Variants in NMT2 observed in about 807,000 individuals in gnomAD.
NMT2 encodes the protein glycylpeptide N-tetradecanoyltransferase 2.
NMT2 carries 35 observed loss-of-function variants against 65.4 expected under a neutral mutation model. That is an observed-to-expected ratio of 0.54 (90% CI 0.41 to 0.71). NMT2 has a LOEUF of 0.71. Ranked by LOEUF, NMT2 falls within the 30% of genes least tolerant of loss-of-function variation. The pLI is 0.00. For missense variants in NMT2, 489 were observed against 611.3 expected (o/e 0.80, Z 2.11); for synonymous variants, 226 against 231.8 (o/e 0.98, Z 0.23).
chr10:15,139,475 C>G (rs115057877), intron 2 of NMT2, among the ~76,000 whole-genome samples: 188 of 152,230 alleles, frequency 1.2e-3, no homozygotes, highest in African/African-American at 4.3e-3. Flanking sequence ...AATGGTGATG[C>G]TGAAAGCAAC....
intron 1 of NMT2, among the ~76,000 whole-genome samples, chr10:15,159,665 T>C (rs530667762): frequency 1.3e-5 from 2 of 152,278 alleles, no homozygotes; most frequent in Admixed American, 1.3e-4. Context: ...TGACCTCAGG[T>C]GATCCACCCG....
chr10:15,116,329 G>A (rs569689285), intron 9 of NMT2, among the ~76,000 whole-genome samples: 1 of 152,294 alleles, frequency 6.6e-6, no homozygotes, highest in Admixed American at 6.5e-5. Context: ...CTAAGTAGGG[G>A]TGGGCTAAAG....
At chr10:15,111,676 T>C (rs985016393) in intron 10 of NMT2, 1 of 152,062 alleles carries the variant, frequency 6.6e-6, no homozygotes, top group African/African-American at 2.4e-5. Context: ...TTTTTATTTT[T>C]ATTTCTCAGG....
chr10:15,135,189 T>A, intron 3 of NMT2, 85 bp downstream of exon 3: 1 of 1,287,770 alleles, frequency 7.8e-7, no homozygotes, highest in Non-Finnish European at 1.1e-6. Context: ...ACACTCTTTG[T>A]GTTTTGTTGT....
Position 15,106,698 on chromosome 10 carries a change from T to C in NMT2, c.*2497A>G. ...CGTAGTGACCAAGGTCAACAAACTTTCTGTAAAAGACCAGAGAGTGAATAT... is the reference window on the plus strand; with the variant it reads ...CGTAGTGACCAAGGTCAACAAACTTCCTGTAAAAGACCAGAGAGTGAATAT... On this transcript the variant is annotated 3_prime_UTR_variant, in exon 12 of 12. Coordinates refer to ENST00000378165, the MANE Select transcript of NMT2 (RefSeq NM_004808.3). The C allele has an allele frequency of 5.1e-6, 5 of 973,964 alleles. No individual in the cohort carries two copies. Among genetic ancestry groups the C allele is most frequent in the Non-Finnish European group, 6.1e-6 (5 of 819,488 alleles). 60.3% of individuals were successfully genotyped at this position (973,964 alleles called of 1,614,324 possible).
chr10:15,113,070 G>A (rs907853925), intron 9 of NMT2, 107 bp from the exon 10 acceptor site: 4 of 1,170,678 alleles, frequency 3.4e-6, no homozygotes, highest in African/African-American at 3.1e-5. Context: ...AAAGCAGTAA[G>A]TCACACTTCT....
intron 2 of NMT2, among the ~76,000 whole-genome samples, chr10:15,137,740 G>T (rs558465817): frequency 1.2e-4 from 18 of 152,136 alleles, no homozygotes; most frequent in African/African-American, 4.1e-4. Context: ...TTTGTTCCTT[G>T]ATTTCTTTCC....
In NMT2 at chr10:15,106,516, C is replaced by T; in HGVS notation, c.*2679G>A. On this transcript the variant is annotated 3_prime_UTR_variant, in exon 12 of 12. Coordinates refer to ENST00000378165, the MANE Select transcript of NMT2 (RefSeq NM_004808.3). ...GCTAATGCAATTAGGGTGGAACCAT[C>T]TGAAATTCCAAGTCTTCCATTATCT... is the stretch of plus-strand genomic sequence containing the variant. 5.6e-6 allele frequency: 2 copies of T among 359,856 alleles called. No homozygotes were observed. Among genetic ancestry groups the T allele is most frequent in the Non-Finnish European group, 7.7e-6 (2 of 258,184 alleles). 22.3% of individuals were successfully genotyped at this position (359,856 alleles called of 1,614,324 possible).
chr10:15,132,729 G>C, intron 6 of NMT2, 88 bp downstream of exon 6: 1 of 962,526 alleles, frequency 1.0e-6, no homozygotes, highest in South Asian at 1.6e-5. Flanking sequence ...CGCTTGGCCT[G>C]CATTCAGTAA....
At chr10:15,111,758 G>A (rs1243305115) in intron 10 of NMT2, 2 of 151,840 alleles carry the variant, frequency 1.3e-5, no homozygotes, top group Non-Finnish European at 2.9e-5. Flanking sequence ...ATCTGAGGAT[G>A]ATGTTGACTT....
intron 9 of NMT2, among the ~76,000 whole-genome samples, chr10:15,117,068 A>G (rs1845770396): frequency 6.6e-6 from 1 of 152,228 alleles, no homozygotes; most frequent in South Asian, 2.1e-4. Flanking sequence ...TGAGACCAGT[A>G]TTATCTTGAT....
chr10:15,158,386 T>C (rs751880421), intron 1 of NMT2, among the ~76,000 whole-genome samples: 8 of 151,612 alleles, frequency 5.3e-5, no homozygotes, highest in Non-Finnish European at 1.0e-4. Flanking sequence ...TTTAAAAATG[T>C]TGGGCCCTAT....
intron 2 of NMT2, chr10:15,141,088 A>C: frequency 7.1e-7 from 1 of 1,412,026 alleles, no homozygotes; most frequent in South Asian, 1.2e-5. Context: ...CTTCTGAACG[A>C]AAAGTAATCA....
chr10:15,145,112 T>A (rs1200414743), intron 1 of NMT2, among the ~76,000 whole-genome samples: 1 of 152,144 alleles, frequency 6.6e-6, no homozygotes, highest in African/African-American at 2.4e-5. Context: ...AATGGATGCA[T>A]CTTGAAAACG....
chr10:15,119,497 C>T lies in NMT2; in HGVS notation c.1016G>A (p.Gly339Asp). The change falls in exon 9 of 12, where the codon GGT becomes GAT. Residue 339 changes from glycine to aspartate, a missense_variant. By Grantham distance (94) the Gly-to-Asp change is moderately conservative (BLOSUM62 -1). Transcript: ENST00000378165. ...ATCTTTTGGTTCCATTGGTCTCAAA[C>T]CTGAAGTCTTTGTAACCTTGTTGGA... ...YRLPDVTKTSGLRPMEPKDIK... is the reference protein window; with the variant it reads ...YRLPDVTKTSDLRPMEPKDIK... 6.2e-7 allele frequency: 1 copy of T among 1,613,932 alleles called. No individual in the cohort carries two copies.
chr10:15,123,528 A>G, intron 8 of NMT2, among the ~76,000 whole-genome samples: 1 of 127,716 alleles, frequency 7.8e-6, no homozygotes, highest in South Asian at 2.4e-4. Flanking sequence ...ACTTCGTCTC[A>G]CAGAAAAAAA....
chr10:15,108,687 G>A lies in NMT2; in HGVS notation c.*508C>T, dbSNP rs1380779151. The A allele has an allele frequency of 2.0e-6, 2 of 993,702 alleles. No individual in the cohort carries two copies. The highest frequency in any genetic ancestry group is 2.4e-6 in the Non-Finnish European group (2 of 836,126). The allele number at this position is 993,702 out of a possible 1,614,324, so 61.6% of individuals were successfully genotyped here. A position where few individuals can be genotyped will look rare whatever the true frequency, so the allele number is the denominator to read the frequency against. ...AACCACCACCTGTCACTGAGCTACA[G>A]AAGTGTTGATTCCATAAATGTTCCC... is the stretch of plus-strand genomic sequence containing the variant. On this transcript the variant is annotated 3_prime_UTR_variant, in exon 12 of 12. Transcript: ENST00000378165.
Position 15,119,490 on chromosome 10 carries a change from T to C in NMT2, c.1023A>G (p.Arg341=), listed in dbSNP as rs753942807. ...LPDVTKTSGL[R]PMEPKDIKSV... ...ATTTGATATCTTTTGGTTCCATTGG[T>C]CTCAAACCTGAAGTCTTTGTAACCT... is the stretch of plus-strand genomic sequence containing the variant. Residue 341 remains arginine, a synonymous_variant, in exon 9 of 12, where the codon AGA becomes AGG. Coordinates refer to ENST00000378165, the MANE Select transcript of NMT2 (RefSeq NM_004808.3). 6.2e-7 allele frequency: 1 copy of C among 1,614,042 alleles called. No homozygotes were observed. The highest frequency in any genetic ancestry group is 8.5e-7 in the Non-Finnish European group (1 of 1,180,002).
chr10:15,130,703 C>CAAAAAAAAAAAAAAAAA (rs974360507), intron 6 of NMT2, among the ~76,000 whole-genome samples: 1 of 28,628 alleles, frequency 3.5e-5, no homozygotes, highest in Non-Finnish European at 6.7e-5. Flanking sequence ...GGCCCTGTCT[C>CAAAAAAAAAAAAAAAAA]AAAAAAAAAA....
Sources: gnomAD v4.1 joint callset for allele counts (sites outside exome capture counted in the v4.1 genomes callset) on GRCh38, gnomAD v4.1.1 for gene constraint, MANE v1.5 for transcripts, NCBI Gene and HGNC (gene_info 2026-07-23, HGNC 2026-07-21) for gene names.